INPP5D: variants seen among roughly 807,000 people sequenced by gnomAD.
The protein encoded by INPP5D is inositol polyphosphate-5-phosphatase D, also known as phosphatidylinositol 3,4,5-trisphosphate 5-phosphatase 1.
INPP5D carries 33 observed loss-of-function variants against 122.9 expected under a neutral mutation model. That is an observed-to-expected ratio of 0.27 (90% CI 0.20 to 0.36). The LOEUF is 0.36. INPP5D is among the 10% of genes least tolerant of loss of function. The pLI, the probability that INPP5D is intolerant of heterozygous loss-of-function variation, is 1.00. For synonymous variants in INPP5D, 584 were observed against 576.2 expected, an observed-to-expected ratio of 1.01 and a Z score of -0.19; for missense variants, 1,053 against 1,412.7, an observed-to-expected ratio of 0.75 and a Z score of 4.08.
chr2:233,066,162 C>T (rs532887398), intron 1 of INPP5D, among the ~76,000 whole-genome samples: 35 of 152,224 alleles, frequency 2.3e-4, no homozygotes, highest in Admixed American at 6.5e-4. Flanking sequence ...CTATGTTGCC[C>T]AGGCTGGCCC....
chr2:233,195,711 A>T (rs1574803050), intron 24 of INPP5D, among the ~76,000 whole-genome samples: 1 of 152,356 alleles, frequency 6.6e-6, no homozygotes, highest in South Asian at 2.1e-4. Flanking sequence ...TCATGCCTGT[A>T]ATCGCAGCAC....
chr2:233,146,346 C>T (rs1693759424), intron 7 of INPP5D, 21 bp from the exon 8 acceptor site: 5 of 704,194 alleles, frequency 7.1e-6, no homozygotes, highest in Non-Finnish European at 1.3e-5. Flanking sequence ...GACCCTCTGT[C>T]TCTAACGCTG....
rs1559277534 is a variant in INPP5D, at chr2:233,078,298, G to C, written c.135-1037G>C. ...CTCACAGGTTTTAGGAAAGTGAAAA[G>C]TACCTTCTCCTCCTCACATTAGAGA... On this transcript the variant is annotated intron_variant, in intron 1 of 26. Transcript: ENST00000445964. This position sits in a 1 kb window ranked among gnomAD's most constrained non-coding sequence, Gnocchi z 4.6. Among the ~76,000 whole-genome samples, 1 of 152,342 alleles carries C rather than the reference G, an allele frequency of 6.6e-6. No individual in the cohort carries two copies. Among genetic ancestry groups the C allele is most frequent in the East Asian group, 1.9e-4 (1 of 5,194 alleles).
intron 2 of INPP5D, among the ~76,000 whole-genome samples, chr2:233,095,357 C>T (rs1443833618): frequency 2.6e-5 from 4 of 152,306 alleles, no homozygotes; most frequent in South Asian, 2.1e-4. Context: ...CAGTGGCCCA[C>T]GCCTGTAATC....
Position 233,120,895 on chromosome 2 carries a change from C to T in INPP5D, c.199-1212C>T, listed in dbSNP as rs527625194. Among the ~76,000 whole-genome samples, 9 of 152,102 alleles carry T rather than the reference C, an allele frequency of 5.9e-5. No individual in the cohort carries two copies. The South Asian group carries it at 1.9e-3, about 32-fold the overall frequency. On this transcript the variant is annotated intron_variant, in intron 2 of 26. Coordinates refer to ENST00000445964, the MANE Select transcript of INPP5D (RefSeq NM_001017915.3). Reference sequence around the variant, plus strand: ...ATCATTTACTGAGTTTTGACAAAAACAACTATAACAAATGAAAAAAATAAA... The same window carrying T: ...ATCATTTACTGAGTTTTGACAAAAATAACTATAACAAATGAAAAAAATAAA...
At chr2:233,193,748 A>T in intron 22 of INPP5D, 64 bp from the exon 23 acceptor site, 2 of 1,611,502 alleles carry the variant, frequency 1.2e-6, no homozygotes, top group Non-Finnish European at 1.7e-6. Context: ...TCCGGCCAAG[A>T]GTTTGGTGTT....
intron 1 of INPP5D, among the ~76,000 whole-genome samples, chr2:233,079,097 C>A (rs551565121): frequency 1.1e-4 from 17 of 152,032 alleles, no homozygotes; most frequent in African/African-American, 3.1e-4. Flanking sequence ...CCTAAATGAC[C>A]CCCCCCAACC....
intron 2 of INPP5D, among the ~76,000 whole-genome samples, chr2:233,098,822 G>A (rs940398565): frequency 8.5e-5 from 13 of 152,192 alleles, no homozygotes; most frequent in Admixed American, 3.3e-4. Flanking sequence ...CTCACAGACA[G>A]TGGCACCAGG....
chr2:233,203,989 T>G, intron 25 of INPP5D, 137 bp from the exon 26 acceptor site: 1 of 1,337,670 alleles, frequency 7.5e-7, no homozygotes, highest in South Asian at 1.9e-5. Context: ...ATTCAGTAAA[T>G]TTGCAATGTT....
chr2:233,179,536 G>A (rs1694731409), intron 18 of INPP5D, among the ~76,000 whole-genome samples: 2 of 152,222 alleles, frequency 1.3e-5, no homozygotes, highest in South Asian at 2.1e-4. Context: ...GCAATGAGGA[G>A]CAGGAAGGAC....
intron 2 of INPP5D, chr2:233,120,686 G>A (rs1472178259): frequency 6.6e-6 from 1 of 152,348 alleles, no homozygotes; most frequent in Non-Finnish European, 1.5e-5. Flanking sequence ...CTGCCCCTGA[G>A]GGCAGGGCCT....
Position 233,072,356 on chromosome 2 carries a change from C to A in INPP5D, c.135-6979C>A, listed in dbSNP as rs1315849557. Among the ~76,000 whole-genome samples the A allele has an allele frequency of 2.0e-5, 3 of 152,170 alleles. No individual in the cohort carries two copies. In the East Asian group the frequency reaches 5.8e-4, roughly 29 times the overall value. On this transcript the variant is annotated intron_variant, in intron 1 of 26. Coordinates refer to ENST00000445964, the MANE Select transcript of INPP5D (RefSeq NM_001017915.3). ...TTATATTTGGTTTATATATGTGAAACCATTTTGCATGATTACAATGAACTA... is the reference window on the plus strand; with the variant it reads ...TTATATTTGGTTTATATATGTGAAAACATTTTGCATGATTACAATGAACTA...
At chr2:233,156,818 TACAA>T (rs1434190129) in intron 9 of INPP5D, among the ~76,000 whole-genome samples, 1 of 152,210 alleles carries the variant, frequency 6.6e-6, no homozygotes, top group Non-Finnish European at 1.5e-5. Context: ...ATATTGTTTG[TACAA>T]ACAATGTAGG....
Position 233,198,241 on chromosome 2 carries a change from C to A in INPP5D, c.2840C>A (p.Pro947Gln). 1 of 1,613,618 alleles carries A rather than the reference C, an allele frequency of 6.2e-7. No individual in the cohort carries two copies. The highest frequency in any genetic ancestry group is 1.3e-5 in the African/African-American group (1 of 75,046). ...CCCACAGCCTGGAGCTACGACCAGC[C>A]GCCCAAGGACTCCCCGCTGGGGCCC... Reference protein sequence around the residue: ...QQPTAWSYDQPPKDSPLGPCR... With the variant: ...QQPTAWSYDQQPKDSPLGPCR... Residue 947 changes from proline to glutamine, a missense_variant, in exon 25 of 27, where the codon CCG becomes CAG. Physicochemically the swap from Pro to Gln is moderately conservative, Grantham distance 76. Coordinates refer to ENST00000445964, the MANE Select transcript of INPP5D (RefSeq NM_001017915.3).
intron 26 of INPP5D, 155 bp downstream of exon 26, chr2:233,204,872 G>T: frequency 8.0e-7 from 1 of 1,249,918 alleles, no homozygotes; most frequent in Non-Finnish European, 1.1e-6. Flanking sequence ...ACATGCGAGT[G>T]ATGGTCCTGG....
chr2:233,167,675 C>T (rs567202960), intron 13 of INPP5D, among the ~76,000 whole-genome samples: 1 of 152,144 alleles, frequency 6.6e-6, no homozygotes, highest in Non-Finnish European at 1.5e-5. Context: ...ATCCAGGGGT[C>T]CCTTCAGCCT....
At chr2:233,077,429 G>A (rs1427344394) in intron 1 of INPP5D, among the ~76,000 whole-genome samples, 1 of 152,110 alleles carries the variant, frequency 6.6e-6, no homozygotes, top group Non-Finnish European at 1.5e-5. Context: ...GGGAGGCCGA[G>A]GTGGGTGGAT....
At chr2:233,204,817 C>CACGCATGCATATGTGCGTGCATGTGTGA (rs1559352008) in intron 26 of INPP5D, 100 bp downstream of exon 26, 1 of 1,417,680 alleles carries the variant, frequency 7.1e-7, no homozygotes. Context: ...TGTGTGTGTG[C>CACGCATGCATATGTGCGTGCATGTGTGA]ACGCATGCAT....
At position 233,060,601 on chromosome 2, in the gene INPP5D, G is replaced by C; in HGVS notation, c.123G>C (p.Ala41=). ...RASESISRAY[A]LCVLYRNCVY... ...GCGAGTCCATCTCCCGGGCATACGCGCTCTGCGTGCTGTGAGTACAACCTG... is the reference window on the plus strand; with the variant it reads ...GCGAGTCCATCTCCCGGGCATACGCCCTCTGCGTGCTGTGAGTACAACCTG... Residue 41 remains alanine, a synonymous_variant, in exon 1 of 27, where the codon GCG becomes GCC. Transcript: ENST00000445964. 6.2e-7 allele frequency: 1 copy of C among 1,613,994 alleles called. No homozygotes were observed. The highest frequency in any genetic ancestry group is 8.5e-7 in the Non-Finnish European group (1 of 1,179,856).
Sources: gnomAD v4.1 joint callset for allele counts (sites outside exome capture counted in the v4.1 genomes callset) on GRCh38, gnomAD v4.1.1 for gene constraint, Gnocchi (gnomAD v3.1) non-coding constraint, MANE v1.5 for transcripts, NCBI Gene and HGNC (gene_info 2026-07-23, HGNC 2026-07-21) for gene names.